Variants in THOP1 observed in about 807,000 individuals in gnomAD.
THOP1 encodes thimet oligopeptidase 1.
THOP1 carries 49 observed loss-of-function variants against 71.8 expected under a neutral mutation model. The observed-to-expected ratio is 0.68, with a 90% CI of 0.54 to 0.87. THOP1 has a LOEUF of 0.87. THOP1 is among the 40% of genes least tolerant of loss of function. The pLI is 0.00. For synonymous variants in THOP1, 426 were observed against 421.5 expected (o/e 1.01, Z -0.13); for missense variants, 843 against 975.6 (o/e 0.86, Z 1.81).
rs530667585 is a variant in THOP1, at chr19:2,805,673, G to A, written c.750+497G>A. On this transcript the variant is annotated intron_variant, in intron 6 of 12. Transcript: ENST00000307741. The surrounding 1 kb of genome is among the most constrained non-coding windows in gnomAD (Gnocchi z 6.6). The stretch of plus-strand genomic sequence containing the variant: ...GTGGTCGGTCAGGTGGTCTCTGCAC[G>A]TCTCCCATTCGCCATCTGGAACAGG... Among the ~76,000 whole-genome samples the A allele has an allele frequency of 3.3e-5, 5 of 152,214 alleles. No homozygotes were observed. The highest frequency in any genetic ancestry group is 3.4e-3 in the Middle Eastern group (1 of 294).
intron 7 of THOP1, 49 bp from the exon 8 acceptor site, chr19:2,807,393 A>G (rs769647047): frequency 3.9e-6 from 6 of 1,527,902 alleles, no homozygotes; most frequent in East Asian, 2.3e-5. Context: ...GCCCAGAGCC[A>G]TGGAGGAGCC....
In THOP1 at chr19:2,814,582, G is replaced by A. The variant is rs1031861786; in HGVS notation, c.*1306G>A. ...GTGTGGCTGTGGCCACTGCCATGGG[G>A]CCTGCTTTGCACCTTACGCACGCCT... On this transcript the variant is annotated 3_prime_UTR_variant, in exon 13 of 13. Transcript: ENST00000307741. 3 of 152,536 alleles carry A rather than the reference G, an allele frequency of 2.0e-5. No individual in the cohort carries two copies. The highest frequency in any genetic ancestry group is 4.4e-5 in the Non-Finnish European group (3 of 68,272). The allele number at this position is 152,536 out of a possible 1,614,324, so 9.4% of individuals were successfully genotyped here. A position where few individuals can be genotyped will look rare whatever the true frequency, so the allele number is the denominator to read the frequency against.
chr19:2,813,469 C>A lies in THOP1; in HGVS notation c.*193C>A. 2 of 661,078 alleles carry A rather than the reference C, an allele frequency of 3.0e-6. No individual in the cohort carries two copies. Among genetic ancestry groups the A allele is most frequent in the Non-Finnish European group, 4.9e-6 (2 of 406,730 alleles). 41.0% of individuals were successfully genotyped at this position (661,078 alleles called of 1,614,324 possible). On this transcript the variant is annotated 3_prime_UTR_variant, in exon 13 of 13. Transcript: ENST00000307741. ...CCGGCTAGAGACGGCGTCCTCAAGG[C>A]ATCTGGAGGGCTTTCGTGGCTGCCA...
intron 12 of THOP1, chr19:2,812,035 A>G (rs1599534593): frequency 9.3e-7 from 1 of 1,069,938 alleles, no homozygotes; most frequent in Non-Finnish European, 1.3e-6. Flanking sequence ...AGGAAGCTCC[A>G]CACTGGCCCC....
At chr19:2,812,324 G>A in intron 12 of THOP1, 1 of 1,535,212 alleles carries the variant, frequency 6.5e-7, no homozygotes. Flanking sequence ...CAGCTTTGAG[G>A]GCCGGCCCTG....
intron 5 of THOP1, among the ~76,000 whole-genome samples, chr19:2,803,928 T>A (rs778486536): frequency 2.0e-5 from 3 of 151,550 alleles, no homozygotes; most frequent in Admixed American, 1.3e-4. Flanking sequence ...CCACCCCTAC[T>A]GCCCTGGGGT....
At position 2,806,956 on chromosome 19, in the gene THOP1, G is replaced by A. The variant is rs1916307173; in HGVS notation, c.790G>A (p.Ala264Thr). 6.2e-7 allele frequency: 1 copy of A among 1,612,956 alleles called. No homozygotes were observed. The highest frequency in any genetic ancestry group is 1.3e-5 in the African/African-American group (1 of 74,912). ...CCTCAAGGAGCTGGTGACGCTGCGGGCCCAGAAGTCCCGCCTGCTGGGGTT... is the reference window on the plus strand; with the variant it reads ...CCTCAAGGAGCTGGTGACGCTGCGGACCCAGAAGTCCCGCCTGCTGGGGTT... ...AILKELVTLR[A>T]QKSRLLGFHT... The change falls in exon 7 of 13, where the codon GCC becomes ACC. Residue 264 changes from alanine to threonine, a missense_variant. Physicochemically the swap from Ala to Thr is moderately conservative, Grantham distance 58 (BLOSUM62 0). Coordinates refer to ENST00000307741, the MANE Select transcript of THOP1 (RefSeq NM_003249.5).
chr19:2,795,929 A>T, intron 3 of THOP1, 152 bp from the exon 4 acceptor site: 1 of 596,254 alleles, frequency 1.7e-6, no homozygotes, highest in Non-Finnish European at 3.0e-6. Context: ...TTATGTAGAG[A>T]CAGGTCGTCA....
At chr19:2,811,552 A>G in intron 11 of THOP1, 46 bp from the exon 12 acceptor site, 1 of 1,580,122 alleles carries the variant, frequency 6.3e-7, no homozygotes, top group Non-Finnish European at 8.6e-7. Flanking sequence ...GAGGAGGAGC[A>G]TGGGGTGGGG....
Position 2,805,137 on chromosome 19 carries a change from G to A in THOP1, c.711G>A (p.Arg237=). The A allele has an allele frequency of 6.2e-7, 1 of 1,612,626 alleles. No homozygotes were observed. The highest frequency in any genetic ancestry group is 8.5e-7 in the Non-Finnish European group (1 of 1,179,802). The stretch of plus-strand genomic sequence containing the variant: ...AGAAATGCCACGTGCCTGAGACCAG[G>A]AGGAAAGTGGAGGAGGCCTTCAACT... The part of the protein sequence containing the change: ...LLKKCHVPET[R]RKVEEAFNCR... The change falls in exon 6 of 13, where the codon AGG becomes AGA. Residue 237 remains arginine, a synonymous_variant. Transcript: ENST00000307741. The surrounding 1 kb of genome is among the most constrained non-coding windows in gnomAD (Gnocchi z 6.6).
chr19:2,808,240 C>G lies in THOP1; in HGVS notation c.1254-3C>G. The G allele has an allele frequency of 1.3e-6, 2 of 1,545,740 alleles. No homozygotes were observed. Among genetic ancestry groups the G allele is most frequent in the Non-Finnish European group, 1.7e-6 (2 of 1,143,686 alleles). ...CGGGGCCTGACGCTGCCTCCCTCCC[C>G]AGGGAAGGAAAGTACGGGCACGCGG... On this transcript the variant is annotated splice_region_variant and splice_polypyrimidine_tract_variant and intron_variant, in intron 8 of 12. Transcript: ENST00000307741.
intron 12 of THOP1, chr19:2,812,321 G>C: frequency 6.5e-7 from 1 of 1,535,372 alleles, no homozygotes. Context: ...TACCAGCTTT[G>C]AGGGCCGGCC....
Position 2,804,875 on chromosome 19 carries a change from G to A in THOP1, c.590-141G>A. 1 of 768,016 alleles carries A rather than the reference G, an allele frequency of 1.3e-6. No homozygotes were observed. Among genetic ancestry groups the A allele is most frequent in the Non-Finnish European group, 2.0e-6 (1 of 496,230 alleles). The allele number at this position is 768,016 out of a possible 1,614,324, so 47.6% of individuals were successfully genotyped here. A position where few individuals can be genotyped will look rare whatever the true frequency, so the allele number is the denominator to read the frequency against. ...GGGGGATGTAAGAATTGCAGCGGGTGGTGGCCAGGCTGCAGCTGCTCGCTG... is the reference window on the plus strand; with the variant it reads ...GGGGGATGTAAGAATTGCAGCGGGTAGTGGCCAGGCTGCAGCTGCTCGCTG... On this transcript the variant is annotated intron_variant, in intron 5 of 12. Coordinates refer to ENST00000307741, the MANE Select transcript of THOP1 (RefSeq NM_003249.5). The surrounding 1 kb of genome is among the most constrained non-coding windows in gnomAD (Gnocchi z 4.7).
At chr19:2,796,400 CAG>C (rs918539287) in intron 4 of THOP1, among the ~76,000 whole-genome samples, 10 of 146,772 alleles carry the variant, frequency 6.8e-5, no homozygotes, top group African/African-American at 2.3e-4. Flanking sequence ...GTGCTGGACT[CAG>C]GGAGTGCTTG....
chr19:2,787,478 G>A (rs1269686430), intron 1 of THOP1, among the ~76,000 whole-genome samples: 1 of 152,208 alleles, frequency 6.6e-6, no homozygotes, highest in Non-Finnish European at 1.5e-5. Context: ...TTTTCTGACA[G>A]TTCCAGTTCC....
chr19:2,794,676 A>G (rs1420864817), intron 2 of THOP1, 88 bp from the exon 3 acceptor site: 2 of 1,485,952 alleles, frequency 1.3e-6, no homozygotes, highest in African/African-American at 2.8e-5. Context: ...GATTCAGCAG[A>G]CAGGCCTGGG....
intron 4 of THOP1, 25 bp from the exon 5 acceptor site, chr19:2,799,664 C>T (rs952950249): frequency 1.3e-6 from 2 of 1,599,316 alleles, no homozygotes; most frequent in African/African-American, 2.7e-5. Flanking sequence ...CTCTCCCTCC[C>T]CTCACGCCCC....
At chr19:2,795,119 C>T (rs184301863) in intron 3 of THOP1, among the ~76,000 whole-genome samples, 7 of 152,328 alleles carry the variant, frequency 4.6e-5, no homozygotes, top group East Asian at 1.9e-4. Context: ...CCACTGTGCC[C>T]GGCCCATTTT....
At position 2,802,540 on chromosome 19, in the gene THOP1, C is replaced by T. The variant is rs138980389; in HGVS notation, c.590-2476C>T. 3.2e-3 allele frequency among the ~76,000 whole-genome samples: 475 copies of T among 150,310 alleles called. 2 individuals carry two copies. Among genetic ancestry groups the T allele is most frequent in the African/African-American group, 0.011 (442 of 40,760 alleles). On this transcript the variant is annotated intron_variant, in intron 5 of 12. Transcript: ENST00000307741. ...CGACACCCACACCTCCCGACACCAA[C>T]ACCTCCCGACACCAACACCTTCCGA...
Sources: gnomAD v4.1 joint callset for allele counts (sites outside exome capture counted in the v4.1 genomes callset) on GRCh38, gnomAD v4.1.1 for gene constraint, Gnocchi (gnomAD v3.1) non-coding constraint, MANE v1.5 for transcripts, NCBI Gene and HGNC (gene_info 2026-07-23, HGNC 2026-07-21) for gene names.